The following COQ9 variants were observed in gnomAD, a reference collection of about 807,000 sequenced individuals.
COQ9 encodes coenzyme Q9.
In COQ9, 35 loss-of-function variants were observed where a neutral mutation model predicts 42.4. That is an observed-to-expected ratio of 0.83 (90% CI 0.63 to 1.10). The LOEUF (loss-of-function observed/expected upper bound fraction) is 1.10. Among genes scored for constraint, COQ9 ranks in the 50% least tolerant of loss-of-function variants. COQ9 has a pLI of 0.00. For missense variants in COQ9, 406 were observed against 414.6 expected (o/e 0.98, Z 0.18); for synonymous variants, 155 against 155.1 (o/e 1.00, Z 0.00).
rs8044899 is a variant in COQ9, at chr16:57,451,458, C to A, written c.242+250C>A. Reference sequence around the variant, plus strand: ...AAGTGTTGGGATTACAGGTGTGAGCCACTGCACCCAGCCACAAGGCTGTCT... The same window carrying A: ...AAGTGTTGGGATTACAGGTGTGAGCAACTGCACCCAGCCACAAGGCTGTCT... On this transcript the variant is annotated intron_variant, in intron 2 of 8. Coordinates refer to ENST00000262507, the MANE Select transcript of COQ9 (RefSeq NM_020312.4). Among the ~76,000 whole-genome samples, 2,164 of 152,306 alleles carry A rather than the reference C, an allele frequency of 0.014. 56 individuals are homozygous for A. Among genetic ancestry groups the A allele is most frequent in the African/African-American group, 0.048 (2,015 of 41,548 alleles).
intron 3 of COQ9, among the ~76,000 whole-genome samples, chr16:57,456,237 A>G (rs1367489089): frequency 6.6e-6 from 1 of 152,130 alleles, no homozygotes. Context: ...CTTAGTTTCT[A>G]AAAAAGAAAG....
chr16:57,449,963 CTT>C (rs1356649761), intron 1 of COQ9, among the ~76,000 whole-genome samples: 2 of 152,140 alleles, frequency 1.3e-5, no homozygotes, highest in Admixed American at 1.3e-4. Flanking sequence ...ACGTAGAAGT[CTT>C]TGATGCTAAA....
At chr16:57,456,204 A>C (rs530151633) in intron 3 of COQ9, among the ~76,000 whole-genome samples, 2 of 152,242 alleles carry the variant, frequency 1.3e-5, no homozygotes, top group East Asian at 3.9e-4. Flanking sequence ...GTTAGGTGCA[A>C]AGTTGGAGAA....
intron 3 of COQ9, among the ~76,000 whole-genome samples, chr16:57,455,549 C>T (rs1269641245): frequency 6.6e-6 from 1 of 151,712 alleles, no homozygotes; most frequent in African/African-American, 2.4e-5. Flanking sequence ...AAGTCTAAGT[C>T]AGAGCATCCT....
At chr16:57,448,818 A>G (rs1332778556) in intron 1 of COQ9, among the ~76,000 whole-genome samples, 1 of 152,202 alleles carries the variant, frequency 6.6e-6, no homozygotes, top group East Asian at 1.9e-4. Flanking sequence ...GTCTACAAAA[A>G]AGTTAGTACA....
rs778850093 is a variant in COQ9, at chr16:57,456,924, C to T, written c.522-7C>T. On this transcript the variant is annotated splice_region_variant and splice_polypyrimidine_tract_variant and intron_variant, in intron 4 of 8. Coordinates refer to ENST00000262507, the MANE Select transcript of COQ9 (RefSeq NM_020312.4). ...AGAGACACACTGTTTTCTTTTCCCT[C>T]TTCCAGGAAGAGGAAGACAGACCAG... 9 of 1,612,222 alleles carry T rather than the reference C, an allele frequency of 5.6e-6. No homozygotes were observed. In the East Asian group the frequency reaches 1.8e-4, roughly 32 times the overall value.
chr16:57,451,051 C>A lies in COQ9; in HGVS notation c.85C>A (p.Arg29=). The A allele has an allele frequency of 6.2e-7, 1 of 1,613,974 alleles. No homozygotes were observed. Among genetic ancestry groups the A allele is most frequent in the Non-Finnish European group, 8.5e-7 (1 of 1,180,018 alleles). Residue 29 remains arginine, a synonymous_variant, in exon 2 of 9, where the codon CGA becomes AGA. Transcript: ENST00000262507. ...AGTTTCTGTTTCAGTGGCCCGTTGCCGACAAGCCCTGGTGCCGCGTGCCTT... is the reference window on the plus strand; with the variant it reads ...AGTTTCTGTTTCAGTGGCCCGTTGCAGACAAGCCCTGGTGCCGCGTGCCTT... ...QLRCLPVARC[R]QALVPRAFHA... is the part of the protein sequence containing the mutation.
intron 5 of COQ9, chr16:57,457,457 G>T: frequency 3.2e-6 from 1 of 307,962 alleles, no homozygotes. Context: ...CGTTGCAAGG[G>T]GTTTTTTCAC....
chr16:57,454,604 G>A (rs1178798951), intron 3 of COQ9, among the ~76,000 whole-genome samples: 2 of 152,198 alleles, frequency 1.3e-5, no homozygotes, highest in African/African-American at 4.8e-5. Flanking sequence ...GCTGCAGTGA[G>A]CCATAATGAT....
At chr16:57,456,226 G>T (rs1249124199) in intron 3 of COQ9, among the ~76,000 whole-genome samples, 1 of 152,118 alleles carries the variant, frequency 6.6e-6, no homozygotes, top group African/African-American at 2.4e-5. Flanking sequence ...GCAGCTGCAG[G>T]CTTAGTTTCT....
Position 57,451,070 on chromosome 16 carries a change from G to C in COQ9, c.104G>C (p.Arg35Pro), listed in dbSNP as rs1180958497. 1 of 1,614,096 alleles carries C rather than the reference G, an allele frequency of 6.2e-7. No homozygotes were observed. The highest frequency in any genetic ancestry group is 1.7e-5 in the Admixed American group (1 of 60,012). The stretch of plus-strand genomic sequence containing the variant: ...CGTTGCCGACAAGCCCTGGTGCCGC[G>C]TGCCTTCCATGCTTCAGCTGTGGGG... The part of the protein sequence containing the change: ...VARCRQALVP[R>P]AFHASAVGLR... The change falls in exon 2 of 9, where the codon CGT becomes CCT. Residue 35 changes from arginine (R) to proline (P), a missense_variant. Physicochemically the swap from Arg to Pro is moderately radical, Grantham distance 103. Coordinates refer to ENST00000262507, the MANE Select transcript of COQ9 (RefSeq NM_020312.4).
intron 3 of COQ9, among the ~76,000 whole-genome samples, chr16:57,455,538 A>G (rs1490494070): frequency 6.6e-6 from 1 of 151,974 alleles, no homozygotes; most frequent in African/African-American, 2.4e-5. Flanking sequence ...ATGGGCCGTC[A>G]AAGTCTAAGT....
intron 3 of COQ9, chr16:57,453,467 G>A (rs1334164689): frequency 5.0e-6 from 1 of 201,528 alleles, no homozygotes; most frequent in Non-Finnish European, 1.0e-5. Context: ...TGCTGCTTTA[G>A]ATTAGGCAGC....
In COQ9 at chr16:57,456,490, C is replaced by G; in HGVS notation, c.379-14C>G. On this transcript the variant is annotated splice_polypyrimidine_tract_variant and intron_variant, in intron 3 of 8. Transcript: ENST00000262507. ...TGGGCACCGCTTTTCTGTTTTCTGT[C>G]TCCCCTTTTGTAGTCTCTGGGTCTC... is the stretch of plus-strand genomic sequence containing the variant. The G allele has an allele frequency of 6.2e-7, 1 of 1,614,056 alleles. No homozygotes were observed. The highest frequency in any genetic ancestry group is 8.5e-7 in the Non-Finnish European group (1 of 1,180,016).
intron 1 of COQ9, 25 bp downstream of exon 1, chr16:57,447,603 G>C: frequency 1.6e-6 from 2 of 1,247,512 alleles, no homozygotes; most frequent in Non-Finnish European, 2.0e-6. Flanking sequence ...AAGCCGGGGA[G>C]AGGCGGGGAG....
Position 57,456,593 on chromosome 16 carries a change from G to C in COQ9, c.468G>C (p.Arg156=), listed in dbSNP as rs1381084272. The change falls in exon 4 of 9, where the codon CGG becomes CGC. Residue 156 remains arginine, a synonymous_variant. Coordinates refer to ENST00000262507, the MANE Select transcript of COQ9 (RefSeq NM_020312.4). ...ILHFVTQCNT[R]LTRVLEEEQK... The stretch of plus-strand genomic sequence containing the variant: ...ATTTTGTGACCCAGTGCAATACCCG[G>C]CTCACACGTGTGCTAGAAGAGGAGC... The C allele has an allele frequency of 8.7e-6, 14 of 1,614,182 alleles. No homozygotes were observed. Among genetic ancestry groups the C allele is most frequent in the Non-Finnish European group, 1.2e-5 (14 of 1,180,024 alleles).
chr16:57,451,554 G>A (rs369389079), intron 2 of COQ9, among the ~76,000 whole-genome samples: 71 of 152,266 alleles, frequency 4.7e-4, no homozygotes, highest in African/African-American at 1.7e-3. Context: ...GTATAGAGAA[G>A]TTCACAAAAA....
intron 3 of COQ9, chr16:57,454,351 T>C (rs2030354802): frequency 1.3e-5 from 2 of 152,212 alleles, no homozygotes; most frequent in Non-Finnish European, 2.9e-5. Context: ...AATAGTCTAA[T>C]TTGTCCTATT....
At chr16:57,459,767 T>C in intron 7 of COQ9, 47 bp downstream of exon 7, 1 of 1,604,116 alleles carries the variant, frequency 6.2e-7, no homozygotes, top group Non-Finnish European at 8.5e-7. Flanking sequence ...AAGGCATACC[T>C]ATTCTCCTCA....
Sources: allele counts gnomAD v4.1 joint callset (sites outside exome capture counted in the v4.1 genomes callset), GRCh38; gene constraint gnomAD v4.1.1; transcripts MANE v1.5; gene names NCBI Gene and HGNC (gene_info 2026-07-23, HGNC 2026-07-21).